Variants in OTUD7A observed in about 807,000 individuals in gnomAD.
OTUD7A encodes OTU deubiquitinase 7A.
A neutral mutation model predicts 65.7 loss-of-function variants in OTUD7A; 12 were observed. The ratio of observed to expected loss-of-function variants is 0.18; its 90% CI spans 0.12 to 0.30. The LOEUF (loss-of-function observed/expected upper bound fraction) is 0.30. OTUD7A is among the 10% of genes least tolerant of loss of function. The probability of loss-of-function intolerance (pLI) is 1.00; values close to 1 mark genes in which losing one functional copy is unlikely to be tolerated. For missense variants in OTUD7A, 1,148 were observed against 1,304.8 expected, an observed-to-expected ratio of 0.88 and a Z score of 1.85; for synonymous variants, 641 against 586.3, an observed-to-expected ratio of 1.09 and a Z score of -1.35.
chr15:31,723,904 G>A (rs1168649851), intron 1 of OTUD7A, among the ~76,000 whole-genome samples: 1 of 94,948 alleles, frequency 1.1e-5, no homozygotes, highest in African/African-American at 4.3e-5. Context: ...CTAGCCAGGT[G>A]AGTGCCGTCT....
chr15:31,622,048 T>C (rs990238435), intron 3 of OTUD7A, among the ~76,000 whole-genome samples: 53 of 152,324 alleles, frequency 3.5e-4, no homozygotes, highest in African/African-American at 1.3e-3. Context: ...GATATGAAAT[T>C]CTGGGTTGAA....
chr15:31,767,509 G>C lies in OTUD7A; in HGVS notation c.-100+102998C>G. The C allele has an allele frequency of 3.9e-6, 3 of 771,940 alleles. No homozygotes were observed. The Admixed American group carries it at 5.1e-5, about 13-fold the overall frequency. 47.8% of individuals were successfully genotyped at this position (771,940 alleles called of 1,614,324 possible). On this transcript the variant is annotated intron_variant, in intron 1 of 12. Transcript: ENST00000307050. ...TGAGGGAGGTCATCTGATTTGTTTT[G>C]TAGTATAACTACTCCATGTTTACTT...
chr15:31,507,642 G>A (rs1057438295), intron 8 of OTUD7A, among the ~76,000 whole-genome samples: 4 of 11,876 alleles, frequency 3.4e-4, no homozygotes, highest in Non-Finnish European at 6.8e-4. Context: ...GCTGGGGGGC[G>A]GGGGTGGCAA....
At chr15:31,640,060 T>G (rs960045684) in intron 3 of OTUD7A, among the ~76,000 whole-genome samples, 2 of 152,236 alleles carry the variant, frequency 1.3e-5, no homozygotes, top group African/African-American at 4.8e-5. Context: ...TCATGGGGTA[T>G]CATGTCTAGA....
chr15:31,481,774 A>C lies in OTUD7A; in HGVS notation c.*1520T>G, dbSNP rs964321631. The C allele has an allele frequency of 6.6e-6, 1 of 151,312 alleles. No homozygotes were observed. The highest frequency in any genetic ancestry group is 2.4e-5 in the African/African-American group (1 of 40,940). The allele number at this position is 151,312 out of a possible 1,614,324, so 9.4% of individuals were successfully genotyped here. A position where few individuals can be genotyped will look rare whatever the true frequency, so the allele number is the denominator to read the frequency against. ...TTTTTTTTTGTTTTTGCTGCTCTTT[A>C]GTTAGGGAAAAAAGCATCGTTTCTA... is the stretch of plus-strand genomic sequence containing the variant. On this transcript the variant is annotated 3_prime_UTR_variant, in exon 13 of 13. Coordinates refer to ENST00000307050, the MANE Select transcript of OTUD7A (RefSeq NM_001382637.1).
chr15:31,638,519 ACAGGCATGCAC>A (rs1438132675), intron 3 of OTUD7A, among the ~76,000 whole-genome samples: 1 of 150,710 alleles, frequency 6.6e-6, no homozygotes, highest in Admixed American at 6.6e-5. Context: ...AGCTGGGACG[ACAGGCATGCAC>A]CACCAAACCA....
intron 3 of OTUD7A, among the ~76,000 whole-genome samples, chr15:31,591,824 C>G (rs578178275): frequency 1.3e-5 from 2 of 152,152 alleles, no homozygotes; most frequent in Non-Finnish European, 2.9e-5. Flanking sequence ...CATCATTGTG[C>G]GAACGAACAT....
At chr15:31,725,413 A>G (rs528356529) in intron 1 of OTUD7A, among the ~76,000 whole-genome samples, 1 of 152,266 alleles carries the variant, frequency 6.6e-6, no homozygotes, top group Non-Finnish European at 1.5e-5. Context: ...TATTTAGCCC[A>G]TGGGTCTCCA....
intron 1 of OTUD7A, among the ~76,000 whole-genome samples, chr15:31,681,420 GTCTC>G (rs775562398): frequency 2.6e-5 from 4 of 151,960 alleles, no homozygotes; most frequent in Non-Finnish European, 4.4e-5. Context: ...CCACCTGTCT[GTCTC>G]TCTATGCTAG....
chr15:31,660,815 T>C (rs1003665396), intron 1 of OTUD7A, among the ~76,000 whole-genome samples: 8 of 152,264 alleles, frequency 5.3e-5, no homozygotes, highest in African/African-American at 1.4e-4. Context: ...TTTCACTCTT[T>C]AGTTTTCCCC....
intron 3 of OTUD7A, among the ~76,000 whole-genome samples, chr15:31,613,081 T>C (rs1489019082): frequency 6.6e-6 from 1 of 152,038 alleles, no homozygotes; most frequent in Non-Finnish European, 1.5e-5. Context: ...CTGCGATAAC[T>C]GGCTAGCCAC....
intron 4 of OTUD7A, among the ~76,000 whole-genome samples, chr15:31,564,700 A>C (rs1460132299): frequency 6.6e-6 from 1 of 152,128 alleles, no homozygotes; most frequent in African/African-American, 2.4e-5. Context: ...AGAAGATAGG[A>C]CAGAAGAATG....
intron 1 of OTUD7A, among the ~76,000 whole-genome samples, chr15:31,728,150 C>G (rs1470906154): frequency 1.3e-5 from 2 of 152,168 alleles, no homozygotes; most frequent in Non-Finnish European, 2.9e-5. Context: ...ATTGGCTTCT[C>G]CTCCAATTTT....
At chr15:31,603,160 G>C (rs1473602051) in intron 3 of OTUD7A, among the ~76,000 whole-genome samples, 1 of 152,144 alleles carries the variant, frequency 6.6e-6, no homozygotes, top group East Asian at 1.9e-4. Context: ...AAAGAACAAA[G>C]CTGGGGGCAT....
chr15:31,782,854 C>T (rs1010998826), intron 1 of OTUD7A, among the ~76,000 whole-genome samples: 11 of 152,100 alleles, frequency 7.2e-5, no homozygotes, highest in Non-Finnish European at 1.5e-4. Flanking sequence ...TCAGAGGTCC[C>T]TGTGGAAACC....
At chr15:31,841,275 A>AGAGAGT (rs1897175784) in intron 1 of OTUD7A, among the ~76,000 whole-genome samples, 1 of 152,134 alleles carries the variant, frequency 6.6e-6, no homozygotes, top group African/African-American at 2.4e-5. Flanking sequence ...TTGGCCTCAG[A>AGAGAGT]GAGAGTGAGA....
intron 1 of OTUD7A, among the ~76,000 whole-genome samples, chr15:31,745,827 G>A (rs1894460401): frequency 6.6e-6 from 1 of 152,028 alleles, no homozygotes. Context: ...AAAGTCCTAT[G>A]GCAACAATGA....
chr15:31,817,402 T>C (rs1255849620), intron 1 of OTUD7A, among the ~76,000 whole-genome samples: 4 of 151,808 alleles, frequency 2.6e-5, no homozygotes, highest in Admixed American at 2.6e-4. Context: ...AATCGAGAAA[T>C]CAAACACCAG....
intron 3 of OTUD7A, among the ~76,000 whole-genome samples, chr15:31,581,898 T>C (rs980885437): frequency 6.6e-5 from 10 of 152,170 alleles, no homozygotes; most frequent in African/African-American, 2.4e-4. Flanking sequence ...AGATAATGGG[T>C]TTTTCTTTTC....
Sources: gnomAD v4.1 joint callset for allele counts (sites outside exome capture counted in the v4.1 genomes callset) on GRCh38, gnomAD v4.1.1 for gene constraint, MANE v1.5 for transcripts, NCBI Gene and HGNC (gene_info 2026-07-23, HGNC 2026-07-21) for gene names.